CNTNAP2: variants seen among roughly 807,000 people sequenced by gnomAD.
The protein encoded by CNTNAP2 is contactin associated protein 2, also known as contactin-associated protein-like 2.
A neutral mutation model predicts 155.2 loss-of-function variants in CNTNAP2; 98 were observed. That is an observed-to-expected ratio of 0.63 (90% CI 0.54 to 0.75). The LOEUF is 0.75. CNTNAP2 is among the 30% of genes least tolerant of loss of function. The pLI, the probability that CNTNAP2 is intolerant of heterozygous loss-of-function variation, is 0.00. For missense variants in CNTNAP2, 1,727 were observed against 1,688.1 expected (o/e 1.02, Z -0.40); for synonymous variants, 651 against 631.2 (o/e 1.03, Z -0.47).
At chr7:148,187,770 G>A (rs1414112555) in intron 18 of CNTNAP2, among the ~76,000 whole-genome samples, 1 of 151,974 alleles carries the variant, frequency 6.6e-6, no homozygotes, top group Non-Finnish European at 1.5e-5. Context: ...TCTAGCCAAA[G>A]GATAATGTAA....
chr7:148,395,157 T>TTTTTTC (rs1799440994), intron 22 of CNTNAP2, among the ~76,000 whole-genome samples: 1 of 151,118 alleles, frequency 6.6e-6, no homozygotes, highest in Admixed American at 6.6e-5. Context: ...TGGCTTTTTT[T>TTTTTTC]TTTTCTTTTC....
chr7:146,758,730 T>A lies in CNTNAP2; in HGVS notation c.98-15541T>A, dbSNP rs528393326. On this transcript the variant is annotated intron_variant, in intron 1 of 23. Coordinates refer to ENST00000361727, the MANE Select transcript of CNTNAP2 (RefSeq NM_014141.6). Reference sequence around the variant, plus strand: ...ATTCAACTACTTTCCACAGGGTCCCTCCCACAACAAGTGGAAATTGTGAGA... The same window carrying A: ...ATTCAACTACTTTCCACAGGGTCCCACCCACAACAAGTGGAAATTGTGAGA... Among the ~76,000 whole-genome samples the A allele has an allele frequency of 7.9e-5, 12 of 152,212 alleles. 1 individual carries two copies. The highest frequency in any genetic ancestry group is 2.9e-4 in the African/African-American group (12 of 41,556).
chr7:147,878,453 G>C (rs900384938), intron 13 of CNTNAP2, among the ~76,000 whole-genome samples: 3 of 136,588 alleles, frequency 2.2e-5, no homozygotes, highest in African/African-American at 8.6e-5. Flanking sequence ...CTTTTTTTTT[G>C]AGATGTCTTT....
chr7:146,275,840 A>G (rs1800155189), intron 1 of CNTNAP2, among the ~76,000 whole-genome samples: 1 of 152,126 alleles, frequency 6.6e-6, no homozygotes, highest in East Asian at 1.9e-4. Context: ...AGATTGCTTG[A>G]TTTACTTTTA....
intron 1 of CNTNAP2, among the ~76,000 whole-genome samples, chr7:146,178,863 T>C (rs1310251230): frequency 6.6e-6 from 1 of 152,190 alleles, no homozygotes; most frequent in Non-Finnish European, 1.5e-5. Flanking sequence ...CTGAGATAAT[T>C]TAGCTAGTTT....
chr7:146,710,872 C>T (rs17170221), intron 1 of CNTNAP2, among the ~76,000 whole-genome samples: 13,829 of 151,958 alleles, frequency 0.091, 1,665 homozygotes, highest in African/African-American at 0.27. Flanking sequence ...CATATATATC[C>T]GGTCTTGGCA....
intron 1 of CNTNAP2, among the ~76,000 whole-genome samples, chr7:146,751,663 G>T (rs1367782329): frequency 4.6e-5 from 7 of 151,958 alleles, no homozygotes. Context: ...GAATGTGCAG[G>T]TTTGTTACAC....
chr7:146,835,849 G>C (rs1394173380), intron 2 of CNTNAP2, among the ~76,000 whole-genome samples: 2 of 152,138 alleles, frequency 1.3e-5, no homozygotes, highest in African/African-American at 4.8e-5. Flanking sequence ...TTTCAATGAA[G>C]TCTTTGACCA....
rs1457034023 is a variant in CNTNAP2 at position 148,294,568 on chromosome 7, T to C, written c.3475+27442T>C. Among the ~76,000 whole-genome samples the C allele has an allele frequency of 2.0e-5, 3 of 152,326 alleles. No individual in the cohort carries two copies. In the East Asian group the frequency reaches 5.8e-4, roughly 29 times the overall value. On this transcript the variant is annotated intron_variant, in intron 21 of 23. Transcript: ENST00000361727. ...TTAAAGACACACTTTGCCATTGTGATTAACTATAATAACTTTTAAAATAAT... is the reference window on the plus strand; with the variant it reads ...TTAAAGACACACTTTGCCATTGTGACTAACTATAATAACTTTTAAAATAAT...
intron 13 of CNTNAP2, among the ~76,000 whole-genome samples, chr7:147,660,106 A>T (rs1795587832): frequency 6.6e-6 from 1 of 152,228 alleles, no homozygotes; most frequent in Admixed American, 6.5e-5. Flanking sequence ...AGCAGTGGTG[A>T]TGTGAGTTAT....
At chr7:147,145,493 C>T (rs1351879708) in intron 8 of CNTNAP2, among the ~76,000 whole-genome samples, 2 of 152,124 alleles carry the variant, frequency 1.3e-5, no homozygotes, top group African/African-American at 2.4e-5. Context: ...AGGTTGACCA[C>T]CCTGACCTGA....
intron 15 of CNTNAP2, among the ~76,000 whole-genome samples, chr7:147,998,108 T>C (rs1054120559): frequency 3.5e-5 from 4 of 114,730 alleles, no homozygotes; most frequent in Admixed American, 8.8e-5. Context: ...TTTTTCTTTT[T>C]TTTTTTTTTT....
chr7:147,994,881 C>G (rs930013897), intron 15 of CNTNAP2, among the ~76,000 whole-genome samples: 2 of 152,134 alleles, frequency 1.3e-5, no homozygotes, highest in Admixed American at 6.6e-5. Context: ...TGAGAGGCAG[C>G]CTTGGAACTC....
At chr7:147,838,555 C>T (rs1798669354) in intron 13 of CNTNAP2, among the ~76,000 whole-genome samples, 1 of 152,222 alleles carries the variant, frequency 6.6e-6, no homozygotes, top group East Asian at 1.9e-4. Context: ...AATCATCTCT[C>T]TCAAGTTCAA....
Position 148,118,174 on chromosome 7 carries a change from A to G in CNTNAP2, c.2440A>G (p.Thr814Ala), listed in dbSNP as rs1060503571. 2.5e-6 allele frequency: 4 copies of G among 1,614,020 alleles called. No individual in the cohort carries two copies. In the Admixed American group the frequency reaches 5.0e-5, roughly 20 times the overall value. Residue 814 changes from threonine (T) to alanine (A), a missense_variant, in exon 16 of 24, where the codon ACT becomes GCT. Thr to Ala is a moderately conservative substitution (Grantham distance 58). Coordinates refer to ENST00000361727, the MANE Select transcript of CNTNAP2 (RefSeq NM_014141.6). The stretch of plus-strand genomic sequence containing the variant: ...CCCATCCTCCTACCTGCACTTCTCT[A>G]CTTTCCAAGGGGAAACTAGCGCTGA... The part of the protein sequence containing the change: ...PNPSSYLHFS[T>A]FQGETSADIS...
At chr7:146,730,543 C>T (rs576760449) in intron 1 of CNTNAP2, among the ~76,000 whole-genome samples, 1 of 152,106 alleles carries the variant, frequency 6.6e-6, no homozygotes, top group South Asian at 2.1e-4. Context: ...AATCTCTACC[C>T]CCTTTTATTT....
intron 12 of CNTNAP2, among the ~76,000 whole-genome samples, chr7:147,630,479 C>A (rs1247440495): frequency 6.6e-6 from 1 of 152,010 alleles, no homozygotes; most frequent in Non-Finnish European, 1.5e-5. Flanking sequence ...TCTGTGAAGT[C>A]AATATCACCC....
chr7:146,931,663 GGATCAACAAAATT>G (rs1412044730), intron 3 of CNTNAP2, among the ~76,000 whole-genome samples: 1 of 149,996 alleles, frequency 6.7e-6, no homozygotes, highest in African/African-American at 2.5e-5. Context: ...TTTTTTGAAA[GGATCAACAAAATT>G]GATAGACCGC....
chr7:148,115,305 C>T (rs1804444228), intron 15 of CNTNAP2, among the ~76,000 whole-genome samples: 1 of 152,206 alleles, frequency 6.6e-6, no homozygotes. Flanking sequence ...TTTTAGCTTT[C>T]CTTTTTCTAG....
Sources: gnomAD v4.1 joint callset for allele counts (sites outside exome capture counted in the v4.1 genomes callset) on GRCh38, gnomAD v4.1.1 for gene constraint, MANE v1.5 for transcripts, NCBI Gene and HGNC (gene_info 2026-07-23, HGNC 2026-07-21) for gene names.